EDNRA: variants seen among roughly 807,000 people sequenced by gnomAD.
EDNRA encodes the protein endothelin-1 receptor.
A neutral mutation model predicts 41.4 loss-of-function variants in EDNRA; 11 were observed. That is an observed-to-expected ratio of 0.27 (90% confidence interval 0.17 to 0.44). The LOEUF is 0.44. EDNRA is among the 20% of genes least tolerant of loss of function. EDNRA has a pLI of 1.00. For synonymous variants in EDNRA, 172 were observed against 183.0 expected, an observed-to-expected ratio of 0.94 and a Z score of 0.49; for missense variants, 294 against 531.0, an observed-to-expected ratio of 0.55 and a Z score of 4.39.
intron 2 of EDNRA, among the ~76,000 whole-genome samples, chr4:147,497,037 ACTT>A (rs777823451): frequency 2.6e-5 from 4 of 151,848 alleles, no homozygotes; most frequent in African/African-American, 4.8e-5. Context: ...CTAAATATAT[ACTT>A]CTTATTTAAT....
chr4:147,524,024 T>C (rs115309731), intron 3 of EDNRA, among the ~76,000 whole-genome samples: 1,539 of 152,228 alleles, frequency 0.01, 32 homozygotes, highest in African/African-American at 0.034. Context: ...GAAAATAGAC[T>C]ATCTTTTTGA....
rs990692533 is a variant in EDNRA, at chr4:147,544,397, A to G, written c.*1779A>G. ...TGGAGCAAAAGTCATTACACTTTGA[A>G]GTATTATATTGTTCTTATCCTCAAT... On this transcript the variant is annotated 3_prime_UTR_variant, in exon 8 of 8. Coordinates refer to ENST00000651419, the MANE Select transcript of EDNRA (RefSeq NM_001957.4). 6.5e-6 allele frequency: 1 copy of G among 152,796 alleles called. No homozygotes were observed. The highest frequency in any genetic ancestry group is 1.5e-5 in the Non-Finnish European group (1 of 68,042). The allele number at this position is 152,796 out of a possible 1,614,324, so 9.5% of individuals were successfully genotyped here. A position where few individuals can be genotyped will look rare whatever the true frequency, so the allele number is the denominator to read the frequency against.
chr4:147,481,741 C>T (rs1484466837), intron 1 of EDNRA, among the ~76,000 whole-genome samples: 1 of 152,242 alleles, frequency 6.6e-6, no homozygotes, highest in Non-Finnish European at 1.5e-5. Context: ...CTGTGGCTTG[C>T]TCCAGCGCCT....
chr4:147,510,510 G>T (rs1328438986), intron 2 of EDNRA, among the ~76,000 whole-genome samples: 1 of 152,014 alleles, frequency 6.6e-6, no homozygotes, highest in African/African-American at 2.4e-5. Context: ...TTTTCAAGTA[G>T]CTTTAATTTT....
At position 147,523,500 on chromosome 4, in the gene EDNRA, T is replaced by G. The variant is rs941972105; in HGVS notation, c.548+3522T>G. On this transcript the variant is annotated intron_variant, in intron 3 of 7. Transcript: ENST00000651419. The stretch of plus-strand genomic sequence containing the variant: ...TTGTTGTTTTTTTGTTTTTTTTGTT[T>G]TTTTTTTTGAGATGGAGTCTTGCTC... 2.7e-5 allele frequency among the ~76,000 whole-genome samples: 4 copies of G among 148,948 alleles called. No homozygotes were observed. The South Asian group carries it at 6.3e-4, about 24-fold the overall frequency.
intron 2 of EDNRA, chr4:147,494,841 A>G (rs1477974710): frequency 6.6e-6 from 1 of 152,200 alleles, no homozygotes; most frequent in Non-Finnish European, 1.5e-5. Flanking sequence ...GATGAGTGAC[A>G]TGAACTTGTT....
intron 2 of EDNRA, among the ~76,000 whole-genome samples, chr4:147,501,643 T>C (rs10305883): frequency 0.034 from 5,123 of 152,350 alleles, 301 homozygotes; most frequent in African/African-American, 0.12. Context: ...TACAATGTTC[T>C]GTACATTGCT....
intron 3 of EDNRA, among the ~76,000 whole-genome samples, chr4:147,524,277 A>C (rs10008744): frequency 0.39 from 58,880 of 151,716 alleles, 16,343 homozygotes; most frequent in African/African-American, 0.79. Flanking sequence ...GGGGGGATCT[A>C]GGAGCATCAT....
At chr4:147,515,753 C>T (rs1020195331) in intron 2 of EDNRA, among the ~76,000 whole-genome samples, 3 of 152,182 alleles carry the variant, frequency 2.0e-5, no homozygotes, top group Non-Finnish European at 4.4e-5. Context: ...GTTCCCCATA[C>T]TTAAGAGGTC....
At chr4:147,489,623 G>A (rs1000844041) in intron 2 of EDNRA, 14 of 152,180 alleles carry the variant, frequency 9.2e-5, no homozygotes, top group Non-Finnish European at 2.9e-5. Context: ...GGCTGTTTCG[G>A]ATGTCATTAA....
chr4:147,512,022 A>G (rs1037685856), intron 2 of EDNRA, among the ~76,000 whole-genome samples: 1 of 152,184 alleles, frequency 6.6e-6, no homozygotes, highest in Non-Finnish European at 1.5e-5. Flanking sequence ...CTCCATTATG[A>G]ATTAAACCTT....
intron 3 of EDNRA, among the ~76,000 whole-genome samples, chr4:147,529,448 G>A (rs1730670808): frequency 6.6e-6 from 1 of 152,186 alleles, no homozygotes; most frequent in African/African-American, 2.4e-5. Context: ...AAAAACGTCT[G>A]AGCACTAAGC....
At chr4:147,536,411 CAACTGGAATAT>C (rs1339673178) in intron 5 of EDNRA, among the ~76,000 whole-genome samples, 2 of 152,250 alleles carry the variant, frequency 1.3e-5, no homozygotes, top group East Asian at 3.9e-4. Context: ...GCATGCAAAA[CAACTGGAATAT>C]AGAACCACAG....
Position 147,487,394 on chromosome 4 carries a change from A to G in EDNRA, c.420+1293A>G, listed in dbSNP as rs1460332796. Among the ~76,000 whole-genome samples, 5 of 152,344 alleles carry G rather than the reference A, an allele frequency of 3.3e-5. No individual in the cohort carries two copies. In the East Asian group the frequency reaches 9.6e-4, roughly 29 times the overall value. On this transcript the variant is annotated intron_variant, in intron 2 of 7. Coordinates refer to ENST00000651419, the MANE Select transcript of EDNRA (RefSeq NM_001957.4). ...TTCAGATATACTAAAATTCAAATGA[A>G]ATGGCCTGATCTATGCCAGATTTTA...
chr4:147,532,131 T>G, intron 3 of EDNRA, among the ~76,000 whole-genome samples: 1 of 128,634 alleles, frequency 7.8e-6, no homozygotes, highest in Non-Finnish European at 1.6e-5. Flanking sequence ...GCTAGCACGG[T>G]GAAACCCCGT....
At position 147,486,076 on chromosome 4, in the gene EDNRA, T is replaced by C; in HGVS notation, c.395T>C (p.Ile132Thr). 3 of 1,613,654 alleles carry C rather than the reference T, an allele frequency of 1.9e-6. No homozygotes were observed. Among genetic ancestry groups the C allele is most frequent in the East Asian group, 2.2e-5 (1 of 44,882 alleles). Residue 132 changes from isoleucine (I) to threonine (T), a missense_variant, in exon 2 of 8, where the codon ATT becomes ACT. By Grantham distance (89) the Ile-to-Thr change is moderately conservative. Coordinates refer to ENST00000651419, the MANE Select transcript of EDNRA (RefSeq NM_001957.4). The surrounding 1 kb of genome is among the most constrained non-coding windows in gnomAD (Gnocchi z 4.3). ...LALGDLIYVVIDLPINVFKLL... is the reference protein window; with the variant it reads ...LALGDLIYVVTDLPINVFKLL... Reference sequence around the variant, plus strand: ...CTTGGAGACCTTATCTATGTGGTCATTGATCTCCCTATCAATGTATTTAAG... The same window carrying C: ...CTTGGAGACCTTATCTATGTGGTCACTGATCTCCCTATCAATGTATTTAAG...
rs112044773 is a variant in EDNRA at position 147,506,059 on chromosome 4, G to A, written c.421-13792G>A. ...TTGTTCATGCAAAAACCTGTACATT[G>A]CTCTTTCCCTGGGTTCCCAGTATCC... On this transcript the variant is annotated intron_variant, in intron 2 of 7. Coordinates refer to ENST00000651419, the MANE Select transcript of EDNRA (RefSeq NM_001957.4). 1,797 of 492,050 alleles carry A rather than the reference G, an allele frequency of 3.7e-3. 20 individuals are homozygous for A. The highest frequency in any genetic ancestry group is 0.032 in the African/African-American group (1,601 of 50,554). The allele number at this position is 492,050 out of a possible 1,614,324, so 30.5% of individuals were successfully genotyped here.
chr4:147,491,732 A>C (rs1729145040), intron 2 of EDNRA: 1 of 152,222 alleles, frequency 6.6e-6, no homozygotes, highest in Non-Finnish European at 1.5e-5. Flanking sequence ...TTACCGCATC[A>C]TCAAGCAAAT....
At chr4:147,525,624 G>T (rs1730512379) in intron 3 of EDNRA, among the ~76,000 whole-genome samples, 1 of 151,010 alleles carries the variant, frequency 6.6e-6, no homozygotes, top group South Asian at 2.1e-4. Context: ...AGCAGGAGAG[G>T]GGTAGGAGGG....
Sources: allele counts gnomAD v4.1 joint callset (sites outside exome capture counted in the v4.1 genomes callset), GRCh38; gene constraint gnomAD v4.1.1; non-coding constraint Gnocchi (gnomAD v3.1); transcripts MANE v1.5; gene names NCBI Gene and HGNC (gene_info 2026-07-23, HGNC 2026-07-21).